The following ZFYVE9 variants were observed in gnomAD, a reference collection of about 807,000 sequenced individuals.
The protein encoded by ZFYVE9 is zinc finger FYVE-type containing 9.
In ZFYVE9, 43 loss-of-function variants were observed where a neutral mutation model predicts 126.7. The ratio of observed to expected loss-of-function variants is 0.34; its 90% confidence interval spans 0.27 to 0.44. ZFYVE9 has a LOEUF of 0.44. Ranked by LOEUF, ZFYVE9 falls within the 20% of genes least tolerant of loss-of-function variation. The probability of loss-of-function intolerance (pLI) is 1.00; values close to 1 mark genes in which losing one functional copy is unlikely to be tolerated. For missense variants in ZFYVE9, 1,476 were observed against 1,697.0 expected, an observed-to-expected ratio of 0.87 and a Z score of 2.29; for synonymous variants, 521 against 597.4, an observed-to-expected ratio of 0.87 and a Z score of 1.87.
At chr1:52,314,100 C>A (rs1646161300) in intron 13 of ZFYVE9, among the ~76,000 whole-genome samples, 1 of 152,080 alleles carries the variant, frequency 6.6e-6, no homozygotes, top group Admixed American at 6.5e-5. Context: ...TATAAACTTA[C>A]AGATCCAAGA....
At chr1:52,291,968 G>C (rs1569686829) in intron 10 of ZFYVE9, among the ~76,000 whole-genome samples, 1 of 145,958 alleles carries the variant, frequency 6.9e-6, no homozygotes, top group African/African-American at 2.5e-5. Flanking sequence ...TTTCATATTT[G>C]TCTCAAAAAA....
At chr1:52,266,135 G>T (rs1645630267) in intron 5 of ZFYVE9, among the ~76,000 whole-genome samples, 1 of 151,834 alleles carries the variant, frequency 6.6e-6, no homozygotes, top group Admixed American at 6.6e-5. Flanking sequence ...GTCTTGCTCT[G>T]TTGCCCAGGC....
chr1:52,167,439 T>G (rs1474234311), intron 1 of ZFYVE9, among the ~76,000 whole-genome samples: 6 of 152,334 alleles, frequency 3.9e-5, no homozygotes, highest in Non-Finnish European at 7.3e-5. Context: ...AAATTGCACG[T>G]TGCCATGAAG....
chr1:52,187,164 T>C (rs1644773069), intron 1 of ZFYVE9, among the ~76,000 whole-genome samples: 2 of 152,094 alleles, frequency 1.3e-5, no homozygotes, highest in South Asian at 4.2e-4. Context: ...ATAAGGTCCA[T>C]ACCTACAACC....
In ZFYVE9 at chr1:52,266,798, C is replaced by T; in HGVS notation, c.2422C>T (p.Pro808Ser). 1 of 1,606,982 alleles carries T rather than the reference C, an allele frequency of 6.2e-7. No homozygotes were observed. Among genetic ancestry groups the T allele is most frequent in the Non-Finnish European group, 8.5e-7 (1 of 1,177,282 alleles). Residue 808 changes from proline (P) to serine (S), a missense_variant, in exon 6 of 19, where the codon CCT becomes TCT. Physicochemically the swap from Pro to Ser is moderately conservative, Grantham distance 74. This residue lies in a region of ZFYVE9 where 669 missense variants were observed against 902.4 expected (regional missense o/e 0.74). Transcript: ENST00000287727. ...LSSPPPTVMV[P>S]VGVLKHPGAE... ...CTCTCCACCTCCCACTGTGATGGTA[C>T]CTGTGGGAGTTTTAAAGCACCCTGG...
chr1:52,246,057 A>C (rs917158403), intron 4 of ZFYVE9, among the ~76,000 whole-genome samples: 1 of 152,128 alleles, frequency 6.6e-6, no homozygotes, highest in Non-Finnish European at 1.5e-5. Flanking sequence ...CCTCCTGAGC[A>C]GCTGGGACTA....
At position 52,346,192 on chromosome 1, in the gene ZFYVE9, A is replaced by G. The variant is rs1441140111; in HGVS notation, c.4249A>G (p.Ile1417Val). The G allele has an allele frequency of 6.2e-7, 1 of 1,607,154 alleles. No individual in the cohort carries two copies. Among genetic ancestry groups the G allele is most frequent in the Non-Finnish European group, 8.5e-7 (1 of 1,176,718 alleles). Residue 1417 changes from isoleucine (I) to valine (V), a missense_variant, in exon 19 of 19, where the codon ATC becomes GTC. Coordinates refer to ENST00000287727, the MANE Select transcript of ZFYVE9 (RefSeq NM_004799.4). ...TGAGGGCCCCGTTGTCATGGAACTC[A>G]TCTTTTATATTCTGGAAAACATCGT... ...LSEGPVVMEL[I>V]FYILENIV
At chr1:52,269,321 G>C (rs1378472626) in intron 7 of ZFYVE9, among the ~76,000 whole-genome samples, 1 of 151,740 alleles carries the variant, frequency 6.6e-6, no homozygotes, top group African/African-American at 2.4e-5. Flanking sequence ...GTAGAGACAG[G>C]GTTTCACCAT....
At chr1:52,342,302 G>C (rs1646444633) in intron 17 of ZFYVE9, among the ~76,000 whole-genome samples, 1 of 122,600 alleles carries the variant, frequency 8.2e-6, no homozygotes, top group Admixed American at 1.1e-4. Context: ...GTCTCGCTCT[G>C]TCGCCCAGAC....
At chr1:52,145,144 A>G (rs983426985) in intron 1 of ZFYVE9, among the ~76,000 whole-genome samples, 1 of 152,322 alleles carries the variant, frequency 6.6e-6, no homozygotes, top group Admixed American at 6.5e-5. Flanking sequence ...GACATTGATA[A>G]TACTTTTTAT....
In ZFYVE9 at chr1:52,295,201, A is replaced by T. The variant is rs2147832437; in HGVS notation, c.3251-694A>T. Among the ~76,000 whole-genome samples the T allele has an allele frequency of 1.3e-5, 2 of 152,358 alleles. 1 individual carries two copies. The highest frequency in any genetic ancestry group is 6.8e-3 in the Middle Eastern group (2 of 294). ...CAGAGTGAGACTGTGTCTCAAAAAA[A>T]AAAGAGTGAACTCTTAAACTTGTTG... On this transcript the variant is annotated intron_variant, in intron 11 of 18. Coordinates refer to ENST00000287727, the MANE Select transcript of ZFYVE9 (RefSeq NM_004799.4).
chr1:52,188,612 A>G (rs998517041), intron 1 of ZFYVE9, among the ~76,000 whole-genome samples: 4 of 152,218 alleles, frequency 2.6e-5, no homozygotes, highest in Admixed American at 2.6e-4. Flanking sequence ...ATAGTTTTGT[A>G]GCCTATAAAA....
intron 13 of ZFYVE9, among the ~76,000 whole-genome samples, chr1:52,331,450 TAA>T (rs527807876): frequency 2.3e-4 from 32 of 136,288 alleles, no homozygotes; most frequent in Middle Eastern, 3.9e-3. Flanking sequence ...CCCTGTCTCT[TAA>T]AAAAAAAAAA....
rs937226313 is a variant in ZFYVE9, at chr1:52,238,116, A to G, written c.699A>G (p.Ser233=). The G allele has an allele frequency of 3.1e-6, 5 of 1,614,142 alleles. No homozygotes were observed. Among genetic ancestry groups the G allele is most frequent in the Non-Finnish European group, 4.2e-6 (5 of 1,179,966 alleles). The change falls in exon 4 of 19, where the codon TCA becomes TCG. Residue 233 remains serine (S), a synonymous_variant. Coordinates refer to ENST00000287727, the MANE Select transcript of ZFYVE9 (RefSeq NM_004799.4). Reference sequence around the variant, plus strand: ...CTGTTAACCATCTGTGTCCTACTTCATCTGATAGTCTAGCCAGTGTCTGTT... The same window carrying G: ...CTGTTAACCATCTGTGTCCTACTTCGTCTGATAGTCTAGCCAGTGTCTGTT... The part of the protein sequence containing the change: ...GRSVNHLCPT[S]SDSLASVCSP...
intron 10 of ZFYVE9, among the ~76,000 whole-genome samples, chr1:52,283,277 T>A (rs1490329488): frequency 6.6e-6 from 1 of 152,042 alleles, no homozygotes; most frequent in African/African-American, 2.4e-5. Context: ...GTTTTGAGAG[T>A]GTGTTAGAGA....
At chr1:52,269,155 A>G (rs1274593916) in intron 7 of ZFYVE9, among the ~76,000 whole-genome samples, 1 of 151,908 alleles carries the variant, frequency 6.6e-6, no homozygotes, top group Non-Finnish European at 1.5e-5. Context: ...TTTTTTTGAG[A>G]TAGAGTCTCT....
chr1:52,212,143 TTTTA>T lies in ZFYVE9; in HGVS notation c.-142-4214_-142-4211del, dbSNP rs551987085. ...TTATATTTCAAAGTAAAACATTTAT[TTTTA>T]TTTATTTATTTTTTTGAGACAAGGT... On this transcript the variant is annotated intron_variant, in intron 1 of 18. Coordinates refer to ENST00000287727, the MANE Select transcript of ZFYVE9 (RefSeq NM_004799.4). 2.0e-3 allele frequency among the ~76,000 whole-genome samples: 307 copies of T among 152,252 alleles called. 2 individuals carry two copies. The highest frequency in any genetic ancestry group is 7.2e-3 in the African/African-American group (300 of 41,558).
intron 17 of ZFYVE9, among the ~76,000 whole-genome samples, chr1:52,343,731 G>A (rs1646460516): frequency 1.3e-5 from 2 of 150,714 alleles, no homozygotes; most frequent in African/African-American, 2.4e-5. Flanking sequence ...ACTCCAGCCT[G>A]GGCGGTGGGC....
chr1:52,254,284 C>T (rs1478546001), intron 4 of ZFYVE9: 1 of 171,204 alleles, frequency 5.8e-6, no homozygotes, highest in Non-Finnish European at 1.2e-5. Context: ...TTATTTGCAA[C>T]TTTATATATA....
Sources: gnomAD v4.1 joint callset for allele counts (sites outside exome capture counted in the v4.1 genomes callset) on GRCh38, gnomAD v4.1.1 for gene constraint, gnomAD v4.1.1 regional missense constraint, MANE v1.5 for transcripts, NCBI Gene and HGNC (gene_info 2026-07-23, HGNC 2026-07-21) for gene names.